The following FOXK1 variants were observed in gnomAD, a reference collection of about 807,000 sequenced individuals.
FOXK1 encodes the protein forkhead box protein K1.
In FOXK1, 19 loss-of-function variants were observed where a neutral mutation model predicts 51.9. The ratio of observed to expected loss-of-function variants is 0.37; its 90% CI spans 0.26 to 0.54. The LOEUF (loss-of-function observed/expected upper bound fraction) is 0.54, where lower values mean the gene tolerates loss of function less well. Ranked by LOEUF, FOXK1 falls within the 20% of genes least tolerant of loss-of-function variation. The pLI is 0.87. For synonymous variants in FOXK1, 537 were observed against 482.6 expected, an observed-to-expected ratio of 1.11 and a Z score of -1.48; for missense variants, 870 against 1,032.7, an observed-to-expected ratio of 0.84 and a Z score of 2.16.
chr7:4,688,159 C>G lies in FOXK1; in HGVS notation c.560+5291C>G, dbSNP rs566428266. 1.3e-3 allele frequency among the ~76,000 whole-genome samples: 192 copies of G among 149,768 alleles called. 10 individuals carry two copies. The South Asian group carries it at 0.039, about 31-fold the overall frequency. On this transcript the variant is annotated intron_variant, in intron 1 of 8. Coordinates refer to ENST00000328914, the MANE Select transcript of FOXK1 (RefSeq NM_001037165.2). ...TGGCCAGGCTTGTTTTATCTTCACCCCCATTCACCTTTCCCCCTCGCCCCA... is the reference window on the plus strand; with the variant it reads ...TGGCCAGGCTTGTTTTATCTTCACCGCCATTCACCTTTCCCCCTCGCCCCA...
Position 4,740,912 on chromosome 7 carries a change from C to A in FOXK1, c.635C>A (p.Ala212Asp). Residue 212 changes from alanine to aspartate, a missense_variant, in exon 2 of 9, where the codon GCC becomes GAC. Coordinates refer to ENST00000328914, the MANE Select transcript of FOXK1 (RefSeq NM_001037165.2). ...CTCTATCACAAAGAAGAGGCCCCAG[C>A]CTCCCCGCTGCGGCCACTGTACCCC... ...TSLYHKEEAPASPLRPLYPQI... is the reference protein window; with the variant it reads ...TSLYHKEEAPDSPLRPLYPQI... 3 of 1,588,148 alleles carry A rather than the reference C, an allele frequency of 1.9e-6. No homozygotes were observed. The South Asian group carries it at 3.4e-5, about 18-fold the overall frequency.
rs1780972301 is a variant in FOXK1, at chr7:4,763,914, CA to C, written c.*1451del. The C allele has an allele frequency of 6.6e-6, 1 of 152,258 alleles. No homozygotes were observed. The highest frequency in any genetic ancestry group is 6.5e-5 in the Admixed American group (1 of 15,290). The allele number at this position is 152,258 out of a possible 1,614,324, so 9.4% of individuals were successfully genotyped here. Reference sequence around the variant, plus strand: ...TCCTGTCCGGGACCACAACGAGAAACAGCGACAGATTCGACGCAGAGCTCCG... The same window carrying C: ...TCCTGTCCGGGACCACAACGAGAAACGCGACAGATTCGACGCAGAGCTCCG... On this transcript the variant is annotated 3_prime_UTR_variant, in exon 9 of 9. Coordinates refer to ENST00000328914, the MANE Select transcript of FOXK1 (RefSeq NM_001037165.2).
chr7:4,701,741 A>G (rs915241954), intron 1 of FOXK1, among the ~76,000 whole-genome samples: 2 of 152,182 alleles, frequency 1.3e-5, no homozygotes, highest in African/African-American at 4.8e-5. Context: ...AAAATACAAA[A>G]AATTAGCCAG....
chr7:4,687,718 C>G (rs560738888), intron 1 of FOXK1, among the ~76,000 whole-genome samples: 14 of 152,316 alleles, frequency 9.2e-5, no homozygotes, highest in African/African-American at 3.4e-4. Flanking sequence ...CCCTCTTTCT[C>G]TAAAGCCTTT....
At chr7:4,725,402 T>C (rs1335491935) in intron 1 of FOXK1, among the ~76,000 whole-genome samples, 1 of 152,230 alleles carries the variant, frequency 6.6e-6, no homozygotes, top group Non-Finnish European at 1.5e-5. Context: ...TTTTCACTGC[T>C]GTTGCCCAAA....
At position 4,707,903 on chromosome 7, in the gene FOXK1, C is replaced by T. The variant is rs1172322640; in HGVS notation, c.560+25035C>T. On this transcript the variant is annotated intron_variant, in intron 1 of 8. Coordinates refer to ENST00000328914, the MANE Select transcript of FOXK1 (RefSeq NM_001037165.2). This position sits in a 1 kb window ranked among gnomAD's most constrained non-coding sequence, Gnocchi z 4.1. ...TTCACCATGTTGGCCAGGCTGGTCA[C>T]GAACTCCTGCCCCAAGTGATCCACC... Among the ~76,000 whole-genome samples, 6 of 152,022 alleles carry T rather than the reference C, an allele frequency of 3.9e-5. No individual in the cohort carries two copies. The highest frequency in any genetic ancestry group is 5.9e-5 in the Non-Finnish European group (4 of 68,004).
intron 1 of FOXK1, among the ~76,000 whole-genome samples, chr7:4,712,757 T>C (rs1266312039): frequency 6.6e-6 from 1 of 152,214 alleles, no homozygotes; most frequent in African/African-American, 2.4e-5. Context: ...CTGTTTATGC[T>C]GCAGAGTGTG....
intron 1 of FOXK1, among the ~76,000 whole-genome samples, chr7:4,692,211 A>G (rs1463732577): frequency 5.3e-5 from 8 of 152,204 alleles, no homozygotes; most frequent in Non-Finnish European, 1.2e-4. Context: ...TTAATAGAAG[A>G]CAGCTGGAAT....
rs909528059 is a variant in FOXK1, at chr7:4,730,086, G to A, written c.561-10752G>A. ...ACCGCGTGTCACCGACTCAGCATAT[G>A]GGCTTGAGTATCTCGCTGTCTTTTC... On this transcript the variant is annotated intron_variant, in intron 1 of 8. Coordinates refer to ENST00000328914, the MANE Select transcript of FOXK1 (RefSeq NM_001037165.2). This position sits in a 1 kb window ranked among gnomAD's most constrained non-coding sequence, Gnocchi z 4.7. 1.3e-5 allele frequency among the ~76,000 whole-genome samples: 2 copies of A among 152,252 alleles called. No homozygotes were observed. Among genetic ancestry groups the A allele is most frequent in the African/African-American group, 4.8e-5 (2 of 41,466 alleles).
chr7:4,725,465 G>A (rs535800361), intron 1 of FOXK1, among the ~76,000 whole-genome samples: 7 of 152,328 alleles, frequency 4.6e-5, no homozygotes, highest in Non-Finnish European at 8.8e-5. Flanking sequence ...AGGGGGACAC[G>A]GCCTCCTGCC....
At chr7:4,728,302 C>T (rs116115784) in intron 1 of FOXK1, among the ~76,000 whole-genome samples, 1,912 of 152,342 alleles carry the variant, frequency 0.013, 40 homozygotes, top group African/African-American at 0.044. Context: ...CTAATCATTT[C>T]TCTGTGGTTT....
In FOXK1 at chr7:4,749,128, C is replaced by T. The variant is rs984382588; in HGVS notation, c.747-5331C>T. Among the ~76,000 whole-genome samples, 1 of 152,162 alleles carries T rather than the reference C, an allele frequency of 6.6e-6. No individual in the cohort carries two copies. The highest frequency in any genetic ancestry group is 1.5e-5 in the Non-Finnish European group (1 of 68,034). ...CACCCTTTCTTGGATTTGTATTTCT[C>T]TTCTTTTGAATTCTTATTTTTTAAT... On this transcript the variant is annotated intron_variant, in intron 2 of 8. Coordinates refer to ENST00000328914, the MANE Select transcript of FOXK1 (RefSeq NM_001037165.2). This position sits in a 1 kb window ranked among gnomAD's most constrained non-coding sequence, Gnocchi z 6.0.
chr7:4,718,527 C>T (rs994735536), intron 1 of FOXK1, among the ~76,000 whole-genome samples: 1 of 152,238 alleles, frequency 6.6e-6, no homozygotes. Flanking sequence ...TTCCATTTTT[C>T]GGCCTACTAC....
rs1780340082 is a variant in FOXK1, at chr7:4,723,430, C to T, written c.561-17408C>T. On this transcript the variant is annotated intron_variant, in intron 1 of 8. Coordinates refer to ENST00000328914, the MANE Select transcript of FOXK1 (RefSeq NM_001037165.2). This position sits in a 1 kb window ranked among gnomAD's most constrained non-coding sequence, Gnocchi z 4.7. ...GTTCCCAGCTGACTAAATTTGCCTTCTTCCTTCAGGGACCATCTTGGAATA... is the reference window on the plus strand; with the variant it reads ...GTTCCCAGCTGACTAAATTTGCCTTTTTCCTTCAGGGACCATCTTGGAATA... Among the ~76,000 whole-genome samples the T allele has an allele frequency of 6.6e-6, 1 of 151,872 alleles. No individual in the cohort carries two copies. The highest frequency in any genetic ancestry group is 1.5e-5 in the Non-Finnish European group (1 of 67,976).
At chr7:4,760,977 C>A in intron 7 of FOXK1, 87 bp from the exon 8 acceptor site, 1 of 1,295,146 alleles carries the variant, frequency 7.7e-7, no homozygotes, top group Non-Finnish European at 1.1e-6. Flanking sequence ...CTCACTTTCC[C>A]CACTTGTCCG....
rs1324987117 is a variant in FOXK1, at chr7:4,763,875, TC to T, written c.*1413del. The T allele has an allele frequency of 6.6e-6, 1 of 152,264 alleles. No homozygotes were observed. Among genetic ancestry groups the T allele is most frequent in the African/African-American group, 2.4e-5 (1 of 41,460 alleles). The allele number at this position is 152,264 out of a possible 1,614,324, so 9.4% of individuals were successfully genotyped here. A position where few individuals can be genotyped will look rare whatever the true frequency, so the allele number is the denominator to read the frequency against. On this transcript the variant is annotated 3_prime_UTR_variant, in exon 9 of 9. Coordinates refer to ENST00000328914, the MANE Select transcript of FOXK1 (RefSeq NM_001037165.2). Reference sequence around the variant, plus strand: ...GTCAGCTGTCAGTTTTGCTGGCCGCTCCGGCGCTGGCTCTCCTGTCCGGGAC... The same window carrying T: ...GTCAGCTGTCAGTTTTGCTGGCCGCTCGGCGCTGGCTCTCCTGTCCGGGAC...
intron 1 of FOXK1, among the ~76,000 whole-genome samples, chr7:4,700,682 A>G (rs1014865163): frequency 1.3e-5 from 2 of 151,940 alleles, no homozygotes; most frequent in African/African-American, 4.8e-5. Flanking sequence ...CAGGTGTGGT[A>G]TCATGCACCT....
At position 4,765,706 on chromosome 7, in the gene FOXK1, C is replaced by G. The variant is rs754540666; in HGVS notation, c.*3242C>G. 3 of 152,288 alleles carry G rather than the reference C, an allele frequency of 2.0e-5. No homozygotes were observed. Among genetic ancestry groups the G allele is most frequent in the African/African-American group, 4.8e-5 (2 of 41,464 alleles). The allele number at this position is 152,288 out of a possible 1,614,324, so 9.4% of individuals were successfully genotyped here. A position where few individuals can be genotyped will look rare whatever the true frequency, so the allele number is the denominator to read the frequency against. On this transcript the variant is annotated 3_prime_UTR_variant, in exon 9 of 9. Coordinates refer to ENST00000328914, the MANE Select transcript of FOXK1 (RefSeq NM_001037165.2). ...TGCCCTGTTCGGAAAGGGGCTCCCT[C>G]AGAGCCCCTGGGCCCAGTAACCCGC...
At chr7:4,725,858 G>A (rs116521988) in intron 1 of FOXK1, among the ~76,000 whole-genome samples, 1,997 of 152,344 alleles carry the variant, frequency 0.013, 50 homozygotes, top group African/African-American at 0.045. Flanking sequence ...TGTGCTGGGC[G>A]TGGGCTGGGG....
Sources: allele counts gnomAD v4.1 joint callset (sites outside exome capture counted in the v4.1 genomes callset), GRCh38; gene constraint gnomAD v4.1.1; non-coding constraint Gnocchi (gnomAD v3.1); transcripts MANE v1.5; gene names NCBI Gene and HGNC (gene_info 2026-07-23, HGNC 2026-07-21).